PIEZO1: variants seen among roughly 807,000 people sequenced by gnomAD.
PIEZO1 encodes piezo-type mechanosensitive ion channel component 1.
Under a neutral mutation model 297.2 loss-of-function variants are expected in PIEZO1, and 296 were observed. The observed-to-expected ratio is 1.00, with a 90% CI of 0.91 to 1.10. PIEZO1 has a LOEUF of 1.10. PIEZO1 is among the 50% of genes least tolerant of loss of function. PIEZO1 has a pLI of 0.00. For missense variants in PIEZO1, 5,018 were observed against 3,455.5 expected (o/e 1.45, Z -11.34); for synonymous variants, 2,427 against 1,507.5 (o/e 1.61, Z -14.13).
At chr16:88,742,192 G>A in intron 3 of PIEZO1, 97 bp from the exon 4 acceptor site, 1 of 1,503,760 alleles carries the variant, frequency 6.6e-7, no homozygotes, top group Non-Finnish European at 8.9e-7. Flanking sequence ...ATCCAGGCCA[G>A]ACATAAATCA....
At chr16:88,784,094 G>A (rs1908060444) in intron 1 of PIEZO1, among the ~76,000 whole-genome samples, 1 of 152,232 alleles carries the variant, frequency 6.6e-6, no homozygotes, top group African/African-American at 2.4e-5. Context: ...GGGGTGCCAG[G>A]CCGTGCAGCA....
At chr16:88,742,551 C>T (rs1905754578) in intron 2 of PIEZO1, 129 bp from the exon 3 acceptor site, 2 of 931,250 alleles carry the variant, frequency 2.1e-6, no homozygotes, top group South Asian at 3.3e-5. Flanking sequence ...CCGCCATGGA[C>T]TCAGGACCCC....
chr16:88,719,617 T>C lies in PIEZO1; in HGVS notation c.6428A>G (p.Tyr2143Cys), dbSNP rs375872305. Reference sequence around the variant, plus strand: ...GCATTTGATGATGAAGATGTTGGCATAGATGTCCTCCACACACATCCAGCT... The same window carrying C: ...GCATTTGATGATGAAGATGTTGGCACAGATGTCCTCCACACACATCCAGCT... The part of the protein sequence containing the change: ...LSSWMCVEDI[Y>C]ANIFIIKCSR... The change falls in exon 44 of 51, where the codon TAT (tyrosine) becomes TGT (cysteine). Residue 2143 changes from tyrosine (Y) to cysteine (C), a missense_variant. Physicochemically the swap from Tyr to Cys is radical, Grantham distance 194 (BLOSUM62 -2). Coordinates refer to ENST00000301015, the MANE Select transcript of PIEZO1 (RefSeq NM_001142864.4). 22 of 1,552,254 alleles carry C rather than the reference T, an allele frequency of 1.4e-5. No homozygotes were observed. The highest frequency in any genetic ancestry group is 1.7e-4 in the Middle Eastern group (1 of 6,014).
intron 23 of PIEZO1, among the ~76,000 whole-genome samples, 152 bp downstream of exon 23, chr16:88,727,405 T>G (rs8057198): frequency 1.3e-5 from 2 of 150,902 alleles, no homozygotes; most frequent in African/African-American, 5.0e-5. Flanking sequence ...GAGGTCTGCG[T>G]GCGTGCGTGC....
chr16:88,721,741 GC>G lies in PIEZO1; in HGVS notation c.5215-16del. 6.5e-7 allele frequency: 1 copy of G among 1,535,880 alleles called. No homozygotes were observed. Among genetic ancestry groups the G allele is most frequent in the Non-Finnish European group, 8.8e-7 (1 of 1,140,052 alleles). ...ACCACCGCGATCTGTGGGGGAGGGG[GC>G]TCAGCACGCGGGGAGGGTCACGGCG... is the stretch of plus-strand genomic sequence containing the variant. On this transcript the variant is annotated splice_polypyrimidine_tract_variant and intron_variant, in intron 37 of 50. Coordinates refer to ENST00000301015, the MANE Select transcript of PIEZO1 (RefSeq NM_001142864.4).
Position 88,726,872 on chromosome 16 carries a change from C to T in PIEZO1, c.3542G>A (p.Arg1181His), listed in dbSNP as rs867599439. ...GTAGCCCAGCCCGAAGATGCTGATG[C>T]GGGTGGCCCCCGTGACAAACACCAC... ...LVVVFVTGATRISIFGLGYLL... is the reference protein window; with the variant it reads ...LVVVFVTGATHISIFGLGYLL... Residue 1181 changes from arginine to histidine, a missense_variant, in exon 25 of 51, where the codon CGC becomes CAC. By Grantham distance (29) the Arg-to-His change is conservative. Coordinates refer to ENST00000301015, the MANE Select transcript of PIEZO1 (RefSeq NM_001142864.4). The T allele has an allele frequency of 5.6e-5, 87 of 1,550,256 alleles. No homozygotes were observed. The highest frequency in any genetic ancestry group is 7.3e-5 in the Non-Finnish European group (84 of 1,146,926).
intron 1 of PIEZO1, among the ~76,000 whole-genome samples, chr16:88,776,290 G>A (rs1479432373): frequency 2.6e-5 from 4 of 152,114 alleles, no homozygotes; most frequent in African/African-American, 7.2e-5. Context: ...AAAAATTAGC[G>A]GAGTGTGGTG....
intron 1 of PIEZO1, among the ~76,000 whole-genome samples, chr16:88,760,753 G>A (rs901201880): frequency 2.6e-5 from 4 of 152,230 alleles, no homozygotes; most frequent in African/African-American, 9.6e-5. Flanking sequence ...AGGGGCCCGA[G>A]GGGAGCCACC....
intron 1 of PIEZO1, among the ~76,000 whole-genome samples, chr16:88,779,853 G>A (rs1907849245): frequency 1.3e-5 from 2 of 152,252 alleles, no homozygotes; most frequent in African/African-American, 4.8e-5. Context: ...GGGAAAGCCT[G>A]TGTTGCGGGT....
At chr16:88,723,351 G>C (rs769577661) in intron 31 of PIEZO1, 23 bp from the exon 32 acceptor site, 4 of 1,535,832 alleles carry the variant, frequency 2.6e-6, no homozygotes, top group Non-Finnish European at 3.5e-6. Flanking sequence ...CCCCGGGTTA[G>C]GACCCGGCCT....
chr16:88,745,236 A>G (rs1196440297), intron 2 of PIEZO1: 1 of 152,080 alleles, frequency 6.6e-6, no homozygotes, highest in Non-Finnish European at 1.5e-5. Flanking sequence ...GGCAGGACAC[A>G]CCCAGCTCAC....
chr16:88,750,436 C>T (rs908369853), intron 1 of PIEZO1, among the ~76,000 whole-genome samples: 6 of 152,272 alleles, frequency 3.9e-5, no homozygotes, highest in Admixed American at 6.5e-5. Context: ...GCGCCTTCAG[C>T]CCAAATGCTC....
At chr16:88,749,297 G>C (rs567472123) in intron 2 of PIEZO1, 87 bp downstream of exon 2, 2 of 844,168 alleles carry the variant, frequency 2.4e-6, no homozygotes, top group East Asian at 6.3e-5. Context: ...GGCTGTTAAA[G>C]GTGAGGAAAG....
chr16:88,773,154 T>A (rs1907501305), intron 1 of PIEZO1, among the ~76,000 whole-genome samples: 1 of 152,180 alleles, frequency 6.6e-6, no homozygotes, highest in Admixed American at 6.5e-5. Context: ...CGTGCCTCCT[T>A]CCTCCTGGGT....
In PIEZO1 at chr16:88,755,826, C is replaced by A. The variant is rs755795718; in HGVS notation, c.65-6347G>T. On this transcript the variant is annotated intron_variant, in intron 1 of 50. Coordinates refer to ENST00000301015, the MANE Select transcript of PIEZO1 (RefSeq NM_001142864.4). Reference sequence around the variant, plus strand: ...CCTCGGGCGGTGGACAGGTGGGGACCGGGTGGGACCAGCAAGTCTGAGGAG... The same window carrying A: ...CCTCGGGCGGTGGACAGGTGGGGACAGGGTGGGACCAGCAAGTCTGAGGAG... 1.3e-5 allele frequency among the ~76,000 whole-genome samples: 2 copies of A among 152,274 alleles called. 1 individual carries two copies.
In PIEZO1 at chr16:88,715,604, C is replaced by A; in HGVS notation, c.*1G>T. On this transcript the variant is annotated 3_prime_UTR_variant, in exon 51 of 51. Transcript: ENST00000301015. ...TCCCTCTCGGGCGCCAGCAGCAGCT[C>A]CTACTCCTTCTCACGAGTCCACTTG... is the stretch of plus-strand genomic sequence containing the variant. The A allele has an allele frequency of 6.5e-7, 1 of 1,549,500 alleles. No individual in the cohort carries two copies. Among genetic ancestry groups the A allele is most frequent in the East Asian group, 2.4e-5 (1 of 40,902 alleles).
Position 88,722,946 on chromosome 16 carries a change from G to C in PIEZO1, c.4559C>G (p.Ala1520Gly), listed in dbSNP as rs761898876. Reference sequence around the variant, plus strand: ...CCAGCGTGTCAGCTCATCCACTAGCGCCTGCCCCAGCATCCACAGGAACTG... The same window carrying C: ...CCAGCGTGTCAGCTCATCCACTAGCCCCTGCCCCAGCATCCACAGGAACTG... Reference protein sequence around the residue: ...TAQFLWMLGQALVDELTRWLQ... With the variant: ...TAQFLWMLGQGLVDELTRWLQ... The change falls in exon 34 of 51, where the codon GCG becomes GGG. Residue 1520 changes from alanine to glycine, a missense_variant. Ala to Gly is a moderately conservative substitution (Grantham distance 60, BLOSUM62 0). Transcript: ENST00000301015. 5.8e-5 allele frequency: 90 copies of C among 1,549,088 alleles called. No homozygotes were observed. Among genetic ancestry groups the C allele is most frequent in the Non-Finnish European group, 7.8e-5 (89 of 1,146,780 alleles).
intron 44 of PIEZO1, chr16:88,717,422 A>C: frequency 1.6e-6 from 1 of 644,026 alleles, no homozygotes. Context: ...ATCTTAGACA[A>C]GGGAGCTGTG....
intron 2 of PIEZO1, among the ~76,000 whole-genome samples, chr16:88,746,041 G>C (rs1205311152): frequency 6.6e-6 from 1 of 152,216 alleles, no homozygotes; most frequent in Non-Finnish European, 1.5e-5. Flanking sequence ...AGTCTGATCC[G>C]TGGGGTGTGC....
Sources: gnomAD v4.1 joint callset for allele counts (sites outside exome capture counted in the v4.1 genomes callset) on GRCh38, gnomAD v4.1.1 for gene constraint, MANE v1.5 for transcripts, NCBI Gene and HGNC (gene_info 2026-07-23, HGNC 2026-07-21) for gene names.